Variants in COL25A1 observed in about 807,000 individuals in gnomAD.
COL25A1 encodes collagen alpha-1(XXV) chain.
COL25A1 carries 103 observed loss-of-function variants against 128.4 expected under a neutral mutation model. The ratio of observed to expected loss-of-function variants is 0.80; its 90% CI spans 0.68 to 0.94. The LOEUF (loss-of-function observed/expected upper bound fraction) is 0.94, where lower values mean the gene tolerates loss of function less well. Ranked by LOEUF, COL25A1 falls within the 40% of genes least tolerant of loss-of-function variation. The pLI is 0.00. For synonymous variants in COL25A1, 279 were observed against 277.2 expected, an observed-to-expected ratio of 1.01 and a Z score of -0.06; for missense variants, 745 against 840.0, an observed-to-expected ratio of 0.89 and a Z score of 1.40.
chr4:108,933,659 C>A (rs1429123249), intron 11 of COL25A1, among the ~76,000 whole-genome samples: 2 of 152,062 alleles, frequency 1.3e-5, no homozygotes, highest in Non-Finnish European at 2.9e-5. Context: ...ATTATGGAAC[C>A]CTTTGTGGTT....
At chr4:109,095,859 T>G (rs2126014957) in intron 3 of COL25A1, among the ~76,000 whole-genome samples, 1 of 152,238 alleles carries the variant, frequency 6.6e-6, no homozygotes, top group East Asian at 1.9e-4. Flanking sequence ...TGGCAACCCC[T>G]AAAGGGCATG....
chr4:109,208,229 A>G (rs914523099), intron 3 of COL25A1, among the ~76,000 whole-genome samples: 1 of 152,212 alleles, frequency 6.6e-6, no homozygotes, highest in African/African-American at 2.4e-5. Flanking sequence ...GACTTAAGGA[A>G]TGAGTTCCAT....
chr4:109,046,102 C>T (rs566432100), intron 5 of COL25A1, among the ~76,000 whole-genome samples: 2 of 152,274 alleles, frequency 1.3e-5, no homozygotes, highest in South Asian at 4.1e-4. Flanking sequence ...CTTTGCAAAT[C>T]CTCTAGCTGT....
chr4:108,916,534 A>G (rs977290988), intron 13 of COL25A1, among the ~76,000 whole-genome samples: 1 of 152,232 alleles, frequency 6.6e-6, no homozygotes, highest in Admixed American at 6.5e-5. Context: ...AAATGAAAAG[A>G]AACAAAGACG....
intron 11 of COL25A1, among the ~76,000 whole-genome samples, chr4:108,935,545 T>C (rs1282720490): frequency 6.6e-6 from 1 of 152,192 alleles, no homozygotes; most frequent in Non-Finnish European, 1.5e-5. Context: ...GAAACATTTG[T>C]CATTTTCATT....
Position 109,055,932 on chromosome 4 carries a change from A to T in COL25A1, c.368-5753T>A, listed in dbSNP as rs72883432. Among the ~76,000 whole-genome samples, 219 of 152,360 alleles carry T rather than the reference A, an allele frequency of 1.4e-3. 1 individual carries two copies. The highest frequency in any genetic ancestry group is 5.0e-3 in the African/African-American group (208 of 41,588). On this transcript the variant is annotated intron_variant, in intron 3 of 37. Transcript: ENST00000399132. ...TCAATCAGCATGTACTCCACTATAC[A>T]TAACACAGGGTTGTTTGTTTTAAAT... is the stretch of plus-strand genomic sequence containing the variant.
At chr4:109,086,835 C>A (rs1296582933) in intron 3 of COL25A1, among the ~76,000 whole-genome samples, 1 of 152,202 alleles carries the variant, frequency 6.6e-6, no homozygotes, top group African/African-American at 2.4e-5. Context: ...CCCTTACACA[C>A]CTTTACAGGA....
intron 3 of COL25A1, among the ~76,000 whole-genome samples, chr4:109,164,033 T>G (rs1275569942): frequency 1.3e-5 from 2 of 152,146 alleles, no homozygotes. Context: ...CTGAAAATTA[T>G]GAATTACAAG....
chr4:109,040,065 T>C (rs1759738700), intron 5 of COL25A1, among the ~76,000 whole-genome samples: 1 of 152,158 alleles, frequency 6.6e-6, no homozygotes, highest in Non-Finnish European at 1.5e-5. Context: ...TTTCAAAAAG[T>C]ATAATAAAAA....
chr4:109,142,819 G>A (rs1192509130), intron 3 of COL25A1, among the ~76,000 whole-genome samples: 1 of 151,800 alleles, frequency 6.6e-6, no homozygotes, highest in Admixed American at 6.6e-5. Flanking sequence ...AATGAGATGG[G>A]TCTCCTGAAT....
intron 8 of COL25A1, among the ~76,000 whole-genome samples, chr4:108,949,945 G>A (rs1003807804): frequency 6.6e-6 from 1 of 152,170 alleles, no homozygotes; most frequent in Non-Finnish European, 1.5e-5. Context: ...TTTGGACATT[G>A]GGATTAGAGC....
chr4:109,265,752 C>T (rs989209783), intron 3 of COL25A1, among the ~76,000 whole-genome samples: 5 of 152,100 alleles, frequency 3.3e-5, no homozygotes, highest in African/African-American at 1.2e-4. Context: ...TGCTTTCTCT[C>T]ATTATCTGCC....
chr4:109,245,510 C>G (rs1321818754), intron 3 of COL25A1, among the ~76,000 whole-genome samples: 1 of 152,074 alleles, frequency 6.6e-6, no homozygotes, highest in Non-Finnish European at 1.5e-5. Flanking sequence ...TTCAGAGTAC[C>G]AGACAAGCAG....
chr4:109,024,086 T>C (rs3108329), intron 5 of COL25A1, among the ~76,000 whole-genome samples: 76,481 of 152,130 alleles, frequency 0.5, 22,022 homozygotes, highest in African/African-American at 0.77. Flanking sequence ...AGATAGCCAA[T>C]ACTTTATTAT....
At chr4:109,214,844 C>T (rs986521285) in intron 3 of COL25A1, among the ~76,000 whole-genome samples, 1 of 152,128 alleles carries the variant, frequency 6.6e-6, no homozygotes, top group Non-Finnish European at 1.5e-5. Context: ...ACCCTTTGAT[C>T]TCACCATGGC....
At chr4:109,250,574 G>T (rs1780580914) in intron 3 of COL25A1, among the ~76,000 whole-genome samples, 1 of 152,180 alleles carries the variant, frequency 6.6e-6, no homozygotes, top group Non-Finnish European at 1.5e-5. Flanking sequence ...TCCAGTCCAA[G>T]TCTGATCCTG....
chr4:108,841,689 G>C lies in COL25A1; in HGVS notation c.1656+6C>G, dbSNP rs899245247. 6 of 1,610,304 alleles carry C rather than the reference G, an allele frequency of 3.7e-6. No individual in the cohort carries two copies. In the African/African-American group the frequency reaches 8.0e-5, roughly 22 times the overall value. On this transcript the variant is annotated splice_donor_region_variant and intron_variant, in intron 31 of 37. Transcript: ENST00000399132. ...AATCAAATAATCAAGGGATTTGTTG[G>C]ATTACCTTTGGTCCAGGAAGTCCAT...
At chr4:109,206,079 A>T (rs1776960533) in intron 3 of COL25A1, among the ~76,000 whole-genome samples, 1 of 152,154 alleles carries the variant, frequency 6.6e-6, no homozygotes, top group Non-Finnish European at 1.5e-5. Flanking sequence ...TAGTCCTTGC[A>T]ATTCACCAAA....
rs1730928982 is a variant in COL25A1, at chr4:108,813,087, G to A, written c.*840C>T. The A allele has an allele frequency of 6.6e-6, 1 of 152,298 alleles. No homozygotes were observed. The highest frequency in any genetic ancestry group is 2.4e-5 in the African/African-American group (1 of 41,464). 9.4% of individuals were successfully genotyped at this position (152,298 alleles called of 1,614,324 possible). On this transcript the variant is annotated 3_prime_UTR_variant, in exon 38 of 38. Transcript: ENST00000399132. ...TTCCTACTTGGTCACATGAGAGGCA[G>A]TGCTGGAGGCTGAATCGGTCCTCTT...
Sources: gnomAD v4.1 joint callset for allele counts (sites outside exome capture counted in the v4.1 genomes callset) on GRCh38, gnomAD v4.1.1 for gene constraint, MANE v1.5 for transcripts, NCBI Gene and HGNC (gene_info 2026-07-23, HGNC 2026-07-21) for gene names.